The following RALGPS2 variants were observed in gnomAD, a reference collection of about 807,000 sequenced individuals.
RALGPS2 encodes ras-specific guanine nucleotide-releasing factor RalGPS2.
In RALGPS2, 43 loss-of-function variants were observed where a neutral mutation model predicts 86.8. That is an observed-to-expected ratio of 0.50 (90% CI 0.39 to 0.64). RALGPS2 has a LOEUF of 0.64. RALGPS2 is among the 30% of genes least tolerant of loss of function. The pLI is 0.00. For synonymous variants in RALGPS2, 243 were observed against 231.3 expected (o/e 1.05, Z -0.46); for missense variants, 536 against 694.6 (o/e 0.77, Z 2.57).
At chr1:178,737,159 AT>A (rs1250127752) in intron 1 of RALGPS2, among the ~76,000 whole-genome samples, 1 of 152,240 alleles carries the variant, frequency 6.6e-6, no homozygotes, top group Non-Finnish European at 1.5e-5. Context: ...TGGCATTCGA[AT>A]TTAAGAGGCA....
intron 8 of RALGPS2, chr1:178,871,028 A>G (rs1658728284): frequency 6.6e-6 from 1 of 152,248 alleles, no homozygotes; most frequent in Non-Finnish European, 1.5e-5. Flanking sequence ...TGTCTGCCAC[A>G]TGGAGAAATG....
chr1:178,832,609 A>G (rs1049739020), intron 7 of RALGPS2, among the ~76,000 whole-genome samples: 3 of 152,142 alleles, frequency 2.0e-5, no homozygotes, highest in Non-Finnish European at 4.4e-5. Context: ...AATGTTTTGC[A>G]TGCTGTAAAA....
chr1:178,776,553 G>A (rs1275724455), intron 1 of RALGPS2, 129 bp from the exon 2 acceptor site: 18 of 381,152 alleles, frequency 4.7e-5, no homozygotes, highest in South Asian at 2.5e-4. Flanking sequence ...TGGATTTAGC[G>A]ACTGAGCTAA....
At chr1:178,883,563 A>T (rs1466740520) in intron 11 of RALGPS2, 30 bp downstream of exon 11, 1 of 1,536,084 alleles carries the variant, frequency 6.5e-7, no homozygotes, top group Admixed American at 1.7e-5. Flanking sequence ...TTGTTACCAA[A>T]TCTAAATCAG....
rs11445608 is a variant in RALGPS2 at position 178,893,245 on chromosome 1, AT to A, written c.1326-661del. On this transcript the variant is annotated intron_variant, in intron 15 of 19. Transcript: ENST00000367635. ...ATATTAAAGTGTTGGTTATTTTGTG[AT>A]TTTTTTTTTTTTAAAAGATACATGA... Among the ~76,000 whole-genome samples the A allele has an allele frequency of 7.0e-3, 1,025 of 145,638 alleles. 5 individuals carry two copies. Among genetic ancestry groups the A allele is most frequent in the Non-Finnish European group, 0.011 (703 of 65,716 alleles).
At chr1:178,778,848 A>G (rs1653238041) in intron 2 of RALGPS2, among the ~76,000 whole-genome samples, 1 of 152,164 alleles carries the variant, frequency 6.6e-6, no homozygotes, top group African/African-American at 2.4e-5. Context: ...GAACAATGAG[A>G]AATACACATA....
intron 1 of RALGPS2, among the ~76,000 whole-genome samples, chr1:178,745,280 A>G (rs1185800582): frequency 6.6e-6 from 1 of 152,206 alleles, no homozygotes. Context: ...AGCTGATTCT[A>G]AAATTCGTGT....
At chr1:178,911,101 C>A (rs759568395) in intron 19 of RALGPS2, among the ~76,000 whole-genome samples, 4 of 151,976 alleles carry the variant, frequency 2.6e-5, no homozygotes, top group African/African-American at 4.8e-5. Flanking sequence ...AGTTGTATGT[C>A]ACCTTTGTAA....
chr1:178,853,869 T>A lies in RALGPS2; in HGVS notation c.607+20319T>A, dbSNP rs551697446. 3.6e-6 allele frequency: 4 copies of A among 1,116,338 alleles called. No homozygotes were observed. The South Asian group carries it at 8.4e-5, about 23-fold the overall frequency. The allele number at this position is 1,116,338 out of a possible 1,614,324, so 69.2% of individuals were successfully genotyped here. On this transcript the variant is annotated intron_variant, in intron 8 of 19. Transcript: ENST00000367635. ...AAAGTTTTTAATCAAGATTTTTACC[T>A]TTGTGTCTTTGTTTACAGTTACCAT...
At position 178,883,424 on chromosome 1, in the gene RALGPS2, G is replaced by A. The variant is rs1659345647; in HGVS notation, c.837-42G>A. The A allele has an allele frequency of 2.1e-6, 3 of 1,405,272 alleles. No individual in the cohort carries two copies. The South Asian group carries it at 3.6e-5, about 17-fold the overall frequency. The allele number at this position is 1,405,272 out of a possible 1,614,324, so 87.1% of individuals were successfully genotyped here. On this transcript the variant is annotated intron_variant, in intron 10 of 19. Transcript: ENST00000367635. Reference sequence around the variant, plus strand: ...CAACTTTAATCTTATTTTGTCAAATGTTAATTAATCATTGTATGTATTTTG... The same window carrying A: ...CAACTTTAATCTTATTTTGTCAAATATTAATTAATCATTGTATGTATTTTG...
intron 2 of RALGPS2, among the ~76,000 whole-genome samples, chr1:178,777,186 C>T (rs1237522552): frequency 6.8e-6 from 1 of 147,450 alleles, no homozygotes; most frequent in East Asian, 2.0e-4. Flanking sequence ...TAAGCAACTT[C>T]AGCAAAGTCT....
At chr1:178,779,042 TA>T (rs1354843718) in intron 2 of RALGPS2, among the ~76,000 whole-genome samples, 1 of 152,166 alleles carries the variant, frequency 6.6e-6, no homozygotes, top group Non-Finnish European at 1.5e-5. Context: ...TTGAGGGCAA[TA>T]ATGCAAGTAA....
chr1:178,778,764 AATC>A (rs1375883365), intron 2 of RALGPS2, among the ~76,000 whole-genome samples: 4 of 150,412 alleles, frequency 2.7e-5, no homozygotes, highest in African/African-American at 7.3e-5. Context: ...TGAAATTGGA[AATC>A]ATCATTCTCA....
chr1:178,878,371 T>A (rs992192743), intron 9 of RALGPS2, among the ~76,000 whole-genome samples: 2 of 152,180 alleles, frequency 1.3e-5, no homozygotes, highest in African/African-American at 4.8e-5. Context: ...GCTTCATGCA[T>A]CTATACTTTT....
chr1:178,775,797 A>G (rs947562805), intron 1 of RALGPS2, among the ~76,000 whole-genome samples: 5 of 152,086 alleles, frequency 3.3e-5, no homozygotes, highest in African/African-American at 1.2e-4. Flanking sequence ...TGTATTAAAG[A>G]TATTTAATAA....
Position 178,832,278 on chromosome 1 carries a change from C to T in RALGPS2, c.481-1146C>T, listed in dbSNP as rs141497618. ...TTGACGTTGTATTTTAAAGAGGGAG[C>T]GATACTGTTGAGACATTTTTCTAAT... On this transcript the variant is annotated intron_variant, in intron 7 of 19. Transcript: ENST00000367635. Among the ~76,000 whole-genome samples, 773 of 152,178 alleles carry T rather than the reference C, an allele frequency of 5.1e-3. 8 individuals carry two copies. The highest frequency in any genetic ancestry group is 0.017 in the African/African-American group (724 of 41,532).
chr1:178,896,721 T>C (rs1292237767), intron 16 of RALGPS2, among the ~76,000 whole-genome samples: 21 of 147,432 alleles, frequency 1.4e-4, no homozygotes, highest in African/African-American at 4.8e-4. Flanking sequence ...GTTTGGTTTT[T>C]TGTTCTTGCG....
intron 1 of RALGPS2, among the ~76,000 whole-genome samples, chr1:178,751,060 C>T (rs1651623984): frequency 6.6e-6 from 1 of 152,074 alleles, no homozygotes; most frequent in African/African-American, 2.4e-5. Context: ...TATTTCCATG[C>T]TGTTGTAAGT....
rs1335618205 is a variant in RALGPS2, at chr1:178,853,646, T to G, written c.607+20096T>G. 2 of 1,611,472 alleles carry G rather than the reference T, an allele frequency of 1.2e-6. No individual in the cohort carries two copies. Among genetic ancestry groups the G allele is most frequent in the Admixed American group, 3.4e-5 (2 of 59,568 alleles). ...GTTGACAGAGCCGTCTGTTCTTTTC[T>G]GAATAACAGTCCAACCCCCAGGGTC... is the stretch of plus-strand genomic sequence containing the variant. On this transcript the variant is annotated intron_variant, in intron 8 of 19. Transcript: ENST00000367635.
Sources: allele counts gnomAD v4.1 joint callset (sites outside exome capture counted in the v4.1 genomes callset), GRCh38; gene constraint gnomAD v4.1.1; transcripts MANE v1.5; gene names NCBI Gene and HGNC (gene_info 2026-07-23, HGNC 2026-07-21).